The following PDE3B variants were observed in gnomAD, a reference collection of about 807,000 sequenced individuals.
PDE3B encodes the protein cGMP-inhibited 3',5'-cyclic phosphodiesterase 3B.
PDE3B carries 66 observed loss-of-function variants against 116.8 expected under a neutral mutation model. That is an observed-to-expected ratio of 0.56 (90% CI 0.46 to 0.69). The LOEUF is 0.69. PDE3B is among the 30% of genes least tolerant of loss of function. PDE3B has a pLI of 0.00. For missense variants in PDE3B, 1,384 were observed against 1,368.1 expected (o/e 1.01, Z -0.18); for synonymous variants, 595 against 533.6 (o/e 1.12, Z -1.59).
chr11:14,729,076 C>G (rs902610953), intron 1 of PDE3B, among the ~76,000 whole-genome samples: 63 of 152,172 alleles, frequency 4.1e-4, no homozygotes, highest in African/African-American at 1.5e-3. Context: ...AGAGAATCTT[C>G]CCTACTACCT....
chr11:14,884,925 T>C, the PDE3B span, among the ~76,000 whole-genome samples: 16 of 152,238 alleles, frequency 1.1e-4, no homozygotes, highest in Middle Eastern at 3.4e-3. Context: ...TTGTTTTTTA[T>C]TTATATTACT....
intron 1 of PDE3B, among the ~76,000 whole-genome samples, chr11:14,685,446 CTTTTTTTT>C (rs71044017): frequency 8.6e-4 from 74 of 86,334 alleles, no homozygotes; most frequent in African/African-American, 2.4e-3. Flanking sequence ...TTTTTCTCAT[CTTTTTTTT>C]TTTTTTTTTT....
intron 7 of PDE3B, among the ~76,000 whole-genome samples, chr11:14,821,434 T>C (rs961107668): frequency 6.6e-6 from 1 of 152,184 alleles, no homozygotes; most frequent in Admixed American, 6.5e-5. Context: ...GTAGACATCT[T>C]TAGAAAGAAA....
intron 1 of PDE3B, among the ~76,000 whole-genome samples, chr11:14,689,999 G>A (rs1371765887): frequency 6.6e-6 from 1 of 152,176 alleles, no homozygotes; most frequent in East Asian, 1.9e-4. Context: ...ATGTATTTAT[G>A]TGGTCATGTC....
intron 1 of PDE3B, among the ~76,000 whole-genome samples, chr11:14,727,126 A>T (rs1169410600): frequency 6.6e-6 from 1 of 152,182 alleles, no homozygotes; most frequent in African/African-American, 2.4e-5. Flanking sequence ...AGTCCTTGGT[A>T]AATGATTCAC....
rs1555006606 is a variant in PDE3B, at chr11:14,859,032, TTTC to T, written c.2521-8_2521-6del. ...GAGGTGTCTGCCTCATTTTTCTATATTTCTTTTTAGGCAGTTTTATACAATGAC... is the reference window on the plus strand; with the variant it reads ...GAGGTGTCTGCCTCATTTTTCTATATTTTTTAGGCAGTTTTATACAATGAC... On this transcript the variant is annotated splice_polypyrimidine_tract_variant and splice_region_variant and intron_variant, in intron 12 of 15. Coordinates refer to ENST00000282096, the MANE Select transcript of PDE3B (RefSeq NM_000922.4). The T allele has an allele frequency of 1.3e-6, 2 of 1,589,624 alleles. No homozygotes were observed. Among genetic ancestry groups the T allele is most frequent in the Non-Finnish European group, 1.7e-6 (2 of 1,164,676 alleles).
chr11:14,738,816 A>T (rs765751537), intron 1 of PDE3B, among the ~76,000 whole-genome samples: 1 of 152,182 alleles, frequency 6.6e-6, no homozygotes, highest in Admixed American at 6.5e-5. Flanking sequence ...AGTTTTCTCC[A>T]TATGGCTAGC....
At chr11:14,888,330 GAAA>G in the PDE3B span, among the ~76,000 whole-genome samples, 3 of 152,192 alleles carry the variant, frequency 2.0e-5, no homozygotes, top group African/African-American at 7.2e-5. Context: ...TATGACAATA[GAAA>G]TATATGTTGA....
rs1487781012 is a variant in PDE3B at position 14,786,166 on chromosome 11, G to A, written c.1030-271G>A. On this transcript the variant is annotated intron_variant, in intron 2 of 15. Transcript: ENST00000282096. ...GTATGTTTAAAATTTTGTTATAAAG[G>A]AAAGGAAATAATGAATTAATGAAAT... Among the ~76,000 whole-genome samples, 3 of 146,274 alleles carry A rather than the reference G, an allele frequency of 2.1e-5. No individual in the cohort carries two copies. The East Asian group carries it at 5.9e-4, about 29-fold the overall frequency.
At chr11:14,701,163 A>T (rs1034992404) in intron 1 of PDE3B, among the ~76,000 whole-genome samples, 1 of 151,790 alleles carries the variant, frequency 6.6e-6, no homozygotes, top group Non-Finnish European at 1.5e-5. Context: ...GTATATTTTA[A>T]TTGCAAAAAT....
intron 1 of PDE3B, chr11:14,674,044 T>A (rs1854456990): frequency 6.6e-7 from 1 of 1,508,476 alleles, no homozygotes; most frequent in Non-Finnish European, 9.2e-7. Flanking sequence ...TAAGTCCCAG[T>A]CATCAACAAG....
At chr11:14,817,733 C>T (rs1211203920) in intron 5 of PDE3B, among the ~76,000 whole-genome samples, 1 of 151,936 alleles carries the variant, frequency 6.6e-6, no homozygotes, top group Non-Finnish European at 1.5e-5. Flanking sequence ...GAGACCCCAT[C>T]TCACAGACAA....
the PDE3B span, chr11:14,877,853 C>T: frequency 2.4e-6 from 1 of 422,472 alleles, no homozygotes; most frequent in Middle Eastern, 6.6e-4. Context: ...CTTAGGGCGT[C>T]CATGACCCTT....
At chr11:14,863,742 G>A (rs1047436955) in intron 14 of PDE3B, among the ~76,000 whole-genome samples, 5 of 152,048 alleles carry the variant, frequency 3.3e-5, no homozygotes, top group African/African-American at 1.2e-4. Flanking sequence ...TCCTTTACAC[G>A]CAAGCAAATA....
At chr11:14,646,825 A>G (rs1853421909) in intron 1 of PDE3B, among the ~76,000 whole-genome samples, 1 of 152,070 alleles carries the variant, frequency 6.6e-6, no homozygotes, top group Non-Finnish European at 1.5e-5. Flanking sequence ...TATTGTTTAT[A>G]TTAGAGGAAA....
At chr11:14,848,599 C>T (rs2133979602) in intron 12 of PDE3B, among the ~76,000 whole-genome samples, 1 of 152,276 alleles carries the variant, frequency 6.6e-6, no homozygotes, top group Admixed American at 6.5e-5. Context: ...CCCATTGTCT[C>T]AGCCCAAAAT....
Position 14,786,567 on chromosome 11 carries a change from T to C in PDE3B, c.1160T>C (p.Met387Thr). 3.1e-6 allele frequency: 5 copies of C among 1,613,368 alleles called. No homozygotes were observed. The highest frequency in any genetic ancestry group is 1.3e-5 in the African/African-American group (1 of 74,980). The part of the protein sequence containing the change: ...ISSLRSISSL[M>T]GAFSGSCRPK... ...TCTCTACGGAGTATTAGTAGCTTAA[T>C]GGGTGCTTTCTCAGGTTCCTGTAGG... is the stretch of plus-strand genomic sequence containing the variant. Residue 387 changes from methionine (M) to threonine (T), a missense_variant, in exon 3 of 16, where the codon ATG (methionine) becomes ACG (threonine). Around this residue, in one of 2 missense-constraint regions of PDE3B, gnomAD observed 956 missense variants for 806.8 expected, o/e 1.18. Coordinates refer to ENST00000282096, the MANE Select transcript of PDE3B (RefSeq NM_000922.4).
chr11:14,831,552 T>G, intron 8 of PDE3B, 88 bp from the exon 9 acceptor site: 5 of 735,508 alleles, frequency 6.8e-6, no homozygotes, highest in Non-Finnish European at 1.0e-5. Flanking sequence ...CTTTTTTAAA[T>G]GTTTAATCCT....
intron 1 of PDE3B, among the ~76,000 whole-genome samples, chr11:14,696,572 G>A (rs145184722): frequency 2.0e-5 from 3 of 152,034 alleles, no homozygotes; most frequent in African/African-American, 7.2e-5. Flanking sequence ...TATGTTGACT[G>A]GCCATTTGGA....
Sources: gnomAD v4.1 joint callset for allele counts (sites outside exome capture counted in the v4.1 genomes callset) on GRCh38, gnomAD v4.1.1 for gene constraint, gnomAD v4.1.1 regional missense constraint, MANE v1.5 for transcripts, NCBI Gene and HGNC (gene_info 2026-07-23, HGNC 2026-07-21) for gene names.